The following MIOS variants were observed in gnomAD, a reference collection of about 807,000 sequenced individuals.
The protein encoded by MIOS is meiosis regulator for oocyte development.
In MIOS, 52 loss-of-function variants were observed where a neutral mutation model predicts 96.9. The ratio of observed to expected loss-of-function variants is 0.54; its 90% CI spans 0.43 to 0.68. The LOEUF is 0.68. Among genes scored for constraint, MIOS ranks in the 30% least tolerant of loss-of-function variants. The pLI is 0.00. For missense variants in MIOS, 1,005 were observed against 1,052.8 expected (o/e 0.95, Z 0.63); for synonymous variants, 397 against 359.5 (o/e 1.10, Z -1.18).
intron 9 of MIOS, among the ~76,000 whole-genome samples, chr7:7,590,142 C>G (rs184649220): frequency 4.6e-5 from 7 of 152,256 alleles, no homozygotes; most frequent in African/African-American, 1.4e-4. Flanking sequence ...TCCAGTTGAT[C>G]TTATCCTTAC....
Position 7,605,905 on chromosome 7 carries a change from T to C in MIOS, c.2402-37T>C, listed in dbSNP as rs765281834. 8 of 1,570,698 alleles carry C rather than the reference T, an allele frequency of 5.1e-6. No homozygotes were observed. In the Admixed American group the frequency reaches 1.2e-4, roughly 24 times the overall value. On this transcript the variant is annotated intron_variant, in intron 11 of 12. Coordinates refer to ENST00000340080, the MANE Select transcript of MIOS (RefSeq NM_019005.4). The stretch of plus-strand genomic sequence containing the variant: ...GAAAGTAACTTTAAATAAAATATTA[T>C]GATATAGTTAATGAAGATCATTTTA...
intron 6 of MIOS, among the ~76,000 whole-genome samples, 198 bp from the exon 7 acceptor site, chr7:7,585,438 A>G (rs1326543295): frequency 1.4e-5 from 2 of 146,942 alleles, no homozygotes; most frequent in African/African-American, 2.5e-5. Flanking sequence ...TTTCAAGAGT[A>G]AAGTGCAACT....
intron 5 of MIOS, among the ~76,000 whole-genome samples, chr7:7,580,029 G>T (rs1383654231): frequency 6.6e-6 from 1 of 152,080 alleles, no homozygotes; most frequent in Non-Finnish European, 1.5e-5. Context: ...AAAATAAATT[G>T]CTGATTTTTG....
At chr7:7,604,189 A>C (rs1001786647) in intron 11 of MIOS, among the ~76,000 whole-genome samples, 1 of 152,146 alleles carries the variant, frequency 6.6e-6, no homozygotes. Context: ...CGTTGTGCAC[A>C]TGTACCCTAA....
Position 7,583,191 on chromosome 7 carries a change from G to T in MIOS, c.1467G>T (p.Glu489Asp). ...KQSDIQNLNE[E>D]RILALQLCGW... The stretch of plus-strand genomic sequence containing the variant: ...GTGATATTCAAAATTTAAATGAAGA[G>T]AGAATCTTAGCTTTACAGCTTTGTG... The change falls in exon 6 of 13, where the codon GAG becomes GAT. Residue 489 changes from glutamate (E) to aspartate (D), a missense_variant. Transcript: ENST00000340080. 2 of 1,614,130 alleles carry T rather than the reference G, an allele frequency of 1.2e-6. No homozygotes were observed. Among genetic ancestry groups the T allele is most frequent in the African/African-American group, 2.7e-5 (2 of 75,054 alleles).
At position 7,573,004 on chromosome 7, in the gene MIOS, C is replaced by G; in HGVS notation, c.529C>G (p.Pro177Ala). 4 of 1,614,066 alleles carry G rather than the reference C, an allele frequency of 2.5e-6. No homozygotes were observed. Among genetic ancestry groups the G allele is most frequent in the Non-Finnish European group, 3.4e-6 (4 of 1,179,980 alleles). Reference protein sequence around the residue: ...ETETTLLVTKPLYELGQNDAC... With the variant: ...ETETTLLVTKALYELGQNDAC... ...TGAAACAACATTATTAGTAACAAAA[C>G]CACTTTATGAGTTAGGACAGAATGA... Residue 177 changes from proline to alanine, a missense_variant, in exon 4 of 13, where the codon CCA becomes GCA. By Grantham distance (27) the Pro-to-Ala change is conservative. Transcript: ENST00000340080. This position sits in a 1 kb window ranked among gnomAD's most constrained non-coding sequence, Gnocchi z 5.0.
chr7:7,576,092 A>C (rs1783522956), intron 5 of MIOS, among the ~76,000 whole-genome samples: 1 of 152,214 alleles, frequency 6.6e-6, no homozygotes, highest in Non-Finnish European at 1.5e-5. Context: ...AGTTTATTAG[A>C]GCATACAGCT....
chr7:7,568,472 A>G (rs994499268), intron 3 of MIOS, among the ~76,000 whole-genome samples: 5 of 149,144 alleles, frequency 3.4e-5, no homozygotes, highest in Admixed American at 1.3e-4. Flanking sequence ...TATCCTGTAT[A>G]TTACATGGTG....
intron 5 of MIOS, among the ~76,000 whole-genome samples, chr7:7,580,836 A>C (rs1432127770): frequency 6.0e-5 from 9 of 150,186 alleles, no homozygotes; most frequent in African/African-American, 2.0e-4. Context: ...ACAGGTGCAC[A>C]CCACCACACC....
At chr7:7,599,633 G>T (rs1200470905) in intron 11 of MIOS, among the ~76,000 whole-genome samples, 1 of 152,152 alleles carries the variant, frequency 6.6e-6, no homozygotes, top group Non-Finnish European at 1.5e-5. Flanking sequence ...AGTACAGGGG[G>T]TGTTTGGGAA....
chr7:7,575,754 T>C (rs970933060), intron 5 of MIOS, among the ~76,000 whole-genome samples: 3 of 152,302 alleles, frequency 2.0e-5, no homozygotes, highest in Non-Finnish European at 2.9e-5. Flanking sequence ...TGTTTATGTT[T>C]CTGGTGCACT....
chr7:7,596,529 C>A, intron 11 of MIOS, 68 bp downstream of exon 11: 1 of 1,424,386 alleles, frequency 7.0e-7, no homozygotes, highest in Non-Finnish European at 9.8e-7. Flanking sequence ...GTTAATGTTG[C>A]AAATAAAATA....
chr7:7,567,315 C>T (rs1783175822), intron 1 of MIOS: 1 of 151,918 alleles, frequency 6.6e-6, no homozygotes, highest in Non-Finnish European at 1.5e-5. Flanking sequence ...CTACAGCCTT[C>T]GCCGCGGCGG....
At position 7,607,829 on chromosome 7, in the gene MIOS, A is replaced by G. The variant is rs1442742470; in HGVS notation, c.*737A>G. On this transcript the variant is annotated 3_prime_UTR_variant, in exon 13 of 13. Coordinates refer to ENST00000340080, the MANE Select transcript of MIOS (RefSeq NM_019005.4). ...AAAACATGTACCATTTCAGGTGAAC[A>G]TACAAAATTTTCACTTTCTACCTTT... 6.6e-6 allele frequency: 1 copy of G among 152,130 alleles called. No homozygotes were observed. The highest frequency in any genetic ancestry group is 2.1e-4 in the South Asian group (1 of 4,830). 9.4% of individuals were successfully genotyped at this position (152,130 alleles called of 1,614,324 possible).
At chr7:7,570,438 C>A (rs893696973) in intron 3 of MIOS, among the ~76,000 whole-genome samples, 3 of 151,912 alleles carry the variant, frequency 2.0e-5, no homozygotes, top group African/African-American at 7.3e-5. Context: ...GCACCAGGGA[C>A]CAGTTTCATG....
At chr7:7,570,304 G>T (rs1252012122) in intron 3 of MIOS, among the ~76,000 whole-genome samples, 2 of 152,138 alleles carry the variant, frequency 1.3e-5, no homozygotes, top group Admixed American at 1.3e-4. Flanking sequence ...AAGTGGCAAG[G>T]AAATGAAGAC....
At chr7:7,595,746 C>G (rs999288102) in intron 10 of MIOS, among the ~76,000 whole-genome samples, 1 of 152,126 alleles carries the variant, frequency 6.6e-6, no homozygotes, top group African/African-American at 2.4e-5. Context: ...TGTTACTAAT[C>G]TATATGATAA....
chr7:7,600,444 T>G (rs1197798322), intron 11 of MIOS, among the ~76,000 whole-genome samples: 2 of 152,048 alleles, frequency 1.3e-5, no homozygotes, highest in African/African-American at 4.8e-5. Flanking sequence ...AAACAGAGTT[T>G]AAACCAACAA....
chr7:7,609,012 A>G (rs141381223), downstream of MIOS: 214 of 152,178 alleles, frequency 1.4e-3, 1 homozygote, highest in African/African-American at 5.0e-3. Context: ...TTTTATCACT[A>G]AGTCACTGGT....
Sources: allele counts gnomAD v4.1 joint callset (sites outside exome capture counted in the v4.1 genomes callset), GRCh38; gene constraint gnomAD v4.1.1; non-coding constraint Gnocchi (gnomAD v3.1); transcripts MANE v1.5; gene names NCBI Gene and HGNC (gene_info 2026-07-23, HGNC 2026-07-21).